Variants in TMC5 observed in about 807,000 individuals in gnomAD.
TMC5 encodes the protein transmembrane channel like 5.
TMC5 carries 86 observed loss-of-function variants against 110.5 expected under a neutral mutation model. The ratio of observed to expected loss-of-function variants is 0.78; its 90% CI spans 0.65 to 0.93. The LOEUF is 0.93. Ranked by LOEUF, TMC5 falls within the 40% of genes least tolerant of loss-of-function variation. The pLI is 0.00. For synonymous variants in TMC5, 455 were observed against 439.5 expected, an observed-to-expected ratio of 1.04 and a Z score of -0.44; for missense variants, 1,144 against 1,222.8, an observed-to-expected ratio of 0.94 and a Z score of 0.96.
At chr16:19,427,077 C>T (rs796334132) in intron 1 of TMC5, among the ~76,000 whole-genome samples, 9 of 108,324 alleles carry the variant, frequency 8.3e-5, no homozygotes, top group African/African-American at 2.3e-4. Context: ...CATGTGCCCC[C>T]CTCTCCAGCA....
chr16:19,414,162 C>G (rs1332605256), upstream of TMC5, among the ~76,000 whole-genome samples: 1 of 151,610 alleles, frequency 6.6e-6, no homozygotes, highest in Non-Finnish European at 1.5e-5. Context: ...CATTGTACCC[C>G]CTAATTCAAT....
intron 8 of TMC5, among the ~76,000 whole-genome samples, chr16:19,465,049 TTC>T (rs1968137846): frequency 2.0e-5 from 2 of 102,226 alleles, no homozygotes; most frequent in East Asian, 4.7e-4. Context: ...CTTTCTTTCT[TTC>T]TTTCTTTTCC....
chr16:19,449,737 G>T (rs1967705250), intron 5 of TMC5, 106 bp downstream of exon 5: 2 of 1,001,828 alleles, frequency 2.0e-6, no homozygotes, highest in African/African-American at 1.6e-5. Context: ...GATCATGGGG[G>T]TGGTTTCCCC....
intron 1 of TMC5, among the ~76,000 whole-genome samples, chr16:19,423,704 T>C (rs1967032029): frequency 1.3e-5 from 2 of 152,188 alleles, no homozygotes; most frequent in Non-Finnish European, 2.9e-5. Flanking sequence ...AGGTCCACAC[T>C]GACCAAGTCT....
At chr16:19,430,669 G>A (rs1217522273) in intron 2 of TMC5, 29 bp downstream of exon 2, 2 of 151,864 alleles carry the variant, frequency 1.3e-5, no homozygotes, top group Admixed American at 6.6e-5. Context: ...GAATTTATTC[G>A]GTTAAATAAA....
intron 9 of TMC5, among the ~76,000 whole-genome samples, chr16:19,467,867 G>A (rs1350786625): frequency 6.6e-6 from 1 of 152,080 alleles, no homozygotes; most frequent in East Asian, 1.9e-4. Flanking sequence ...TACGAATTTT[G>A]GGAAGTACAC....
In TMC5 at chr16:19,481,393, C is replaced by T. The variant is rs776371575; in HGVS notation, c.2291C>T (p.Thr764Ile). The change falls in exon 15 of 22, where the codon ACA becomes ATA. Residue 764 changes from threonine (T) to isoleucine (I), a missense_variant. Physicochemically the swap from Thr to Ile is moderately conservative, Grantham distance 89 (BLOSUM62 -1). Coordinates refer to ENST00000542583, the MANE Select transcript of TMC5 (RefSeq NM_001261841.2). ...LRRIIGMQLI[T>I]SLGLQEFDIA... is the part of the protein sequence containing the mutation. Reference sequence around the variant, plus strand: ...AGAATCATTGGGATGCAACTGATCACAAGTCTTGGCCTTCAGGAGTTTGAC... The same window carrying T: ...AGAATCATTGGGATGCAACTGATCATAAGTCTTGGCCTTCAGGAGTTTGAC... 1 of 1,613,864 alleles carries T rather than the reference C, an allele frequency of 6.2e-7. No individual in the cohort carries two copies. The highest frequency in any genetic ancestry group is 8.5e-7 in the Non-Finnish European group (1 of 1,179,764).
upstream of TMC5, among the ~76,000 whole-genome samples, chr16:19,413,600 G>A (rs1966863512): frequency 6.7e-6 from 1 of 149,338 alleles, no homozygotes; most frequent in African/African-American, 2.5e-5. Flanking sequence ...GGCATGGGAT[G>A]GGAAGGGCAT....
At chr16:19,441,961 G>A (rs1335880805) in intron 3 of TMC5, among the ~76,000 whole-genome samples, 3 of 152,078 alleles carry the variant, frequency 2.0e-5, no homozygotes, top group South Asian at 4.2e-4. Context: ...GCGCCACCAC[G>A]CCCAGCTAAT....
chr16:19,473,654 A>G (rs1158309088), intron 11 of TMC5, among the ~76,000 whole-genome samples: 3 of 152,082 alleles, frequency 2.0e-5, no homozygotes, highest in Non-Finnish European at 2.9e-5. Flanking sequence ...TTTGCTTGGC[A>G]CGGGGTAAGG....
rs1474030541 is a variant in TMC5 at position 19,440,434 on chromosome 16, A to G, written c.396A>G (p.Gln132=). ...SSRQPDYPGS[Q]RNPDFAGSSS... ...GACAACCAGACTACCCTGGATCTCA[A>G]CGAAATCCTGATTTTGCAGGCTCCA... Residue 132 remains glutamine (Q), a synonymous_variant, in exon 3 of 22, where the codon CAA becomes CAG. Transcript: ENST00000542583. 2 of 1,614,072 alleles carry G rather than the reference A, an allele frequency of 1.2e-6. No homozygotes were observed. The highest frequency in any genetic ancestry group is 1.1e-5 in the South Asian group (1 of 91,064).
chr16:19,473,695 C>A (rs1968409042), intron 11 of TMC5, among the ~76,000 whole-genome samples: 1 of 152,026 alleles, frequency 6.6e-6, no homozygotes, highest in African/African-American at 2.4e-5. Flanking sequence ...AAATAGTTAA[C>A]CTAGCCGGGC....
At chr16:19,465,289 T>C (rs1464588098) in intron 8 of TMC5, among the ~76,000 whole-genome samples, 1 of 151,994 alleles carries the variant, frequency 6.6e-6, no homozygotes, top group Non-Finnish European at 1.5e-5. Flanking sequence ...ATCCCAGCAC[T>C]TTGGGAGGCC....
At chr16:19,411,115 T>G (rs1483890541) in exon 1 of TMC5, 1 of 152,240 alleles carries the variant, frequency 6.6e-6, no homozygotes, top group African/African-American at 2.4e-5. Flanking sequence ...GCCCTGCAGG[T>G]GCAGGAAGAA....
At chr16:19,436,387 A>G (rs542531210) in intron 2 of TMC5, among the ~76,000 whole-genome samples, 17 of 152,030 alleles carry the variant, frequency 1.1e-4, no homozygotes, top group Non-Finnish European at 2.4e-4. Flanking sequence ...TCTGTTTTCA[A>G]TTTCTTGAAT....
At chr16:19,462,486 C>T in intron 6 of TMC5, 1 of 700,784 alleles carries the variant, frequency 1.4e-6, no homozygotes, top group South Asian at 1.5e-5. Flanking sequence ...GTTTAATGGA[C>T]TCACTGTTCC....
At chr16:19,446,254 G>A (rs1343948739) in intron 4 of TMC5, among the ~76,000 whole-genome samples, 3 of 152,148 alleles carry the variant, frequency 2.0e-5, no homozygotes, top group Non-Finnish European at 4.4e-5. Flanking sequence ...TCCCAAGGGG[G>A]GAATATCTGC....
Position 19,440,450 on chromosome 16 carries a change from G to T in TMC5, c.412G>T (p.Ala138Ser). ...YPGSQRNPDF[A>S]GSSSSGNYAG... ...TGGATCTCAACGAAATCCTGATTTT[G>T]CAGGCTCCAGCAGCAGTGGAAACTA... Residue 138 changes from alanine to serine, a missense_variant, in exon 3 of 22, where the codon GCA (alanine) becomes TCA (serine). Coordinates refer to ENST00000542583, the MANE Select transcript of TMC5 (RefSeq NM_001261841.2). 3.7e-6 allele frequency: 6 copies of T among 1,613,948 alleles called. No individual in the cohort carries two copies. The South Asian group carries it at 6.6e-5, about 18-fold the overall frequency.
intron 18 of TMC5, among the ~76,000 whole-genome samples, chr16:19,491,238 G>T (rs915434329): frequency 6.6e-6 from 1 of 152,062 alleles, no homozygotes; most frequent in African/African-American, 2.4e-5. Context: ...TCAAACTCCT[G>T]GCCTCAAATT....
Sources: allele counts gnomAD v4.1 joint callset (sites outside exome capture counted in the v4.1 genomes callset), GRCh38; gene constraint gnomAD v4.1.1; transcripts MANE v1.5; gene names NCBI Gene and HGNC (gene_info 2026-07-23, HGNC 2026-07-21).